The following DYNC1LI1 variants were observed in gnomAD, a reference collection of about 807,000 sequenced individuals.
The protein encoded by DYNC1LI1 is dynein cytoplasmic 1 light intermediate chain 1.
In DYNC1LI1, 19 loss-of-function variants were observed where a neutral mutation model predicts 63.8. The ratio of observed to expected loss-of-function variants is 0.30; its 90% confidence interval spans 0.21 to 0.44. The LOEUF is 0.44. DYNC1LI1 is among the 20% of genes least tolerant of loss of function. DYNC1LI1 has a pLI of 1.00. For missense variants in DYNC1LI1, 565 were observed against 630.2 expected (o/e 0.90, Z 1.11); for synonymous variants, 225 against 232.3 (o/e 0.97, Z 0.28).
intron 2 of DYNC1LI1, among the ~76,000 whole-genome samples, chr3:32,549,137 T>G (rs558746211): frequency 6.6e-6 from 1 of 152,162 alleles, no homozygotes; most frequent in Non-Finnish European, 1.5e-5. Flanking sequence ...TGTTTCTAAT[T>G]TGAATTTTAC....
intron 2 of DYNC1LI1, among the ~76,000 whole-genome samples, chr3:32,568,247 C>T (rs1698295761): frequency 6.6e-6 from 1 of 152,140 alleles, no homozygotes; most frequent in Admixed American, 6.6e-5. Flanking sequence ...ACAAAGAAAA[C>T]CACAATCCCT....
intron 8 of DYNC1LI1, chr3:32,532,101 C>T (rs1251736622): frequency 6.6e-6 from 1 of 152,058 alleles, no homozygotes; most frequent in East Asian, 1.9e-4. Flanking sequence ...TTATACACTG[C>T]ATGAAGTCAA....
intron 8 of DYNC1LI1, chr3:32,531,221 G>C (rs903638027): frequency 6.6e-6 from 1 of 152,178 alleles, no homozygotes; most frequent in African/African-American, 2.4e-5. Context: ...CCTTACTGTA[G>C]CCTAATGATA....
intron 5 of DYNC1LI1, 116 bp from the exon 6 acceptor site, chr3:32,537,220 G>A (rs923922206): frequency 3.8e-6 from 2 of 529,116 alleles, no homozygotes; most frequent in Admixed American, 7.8e-5. Flanking sequence ...CTCTGATATG[G>A]TGAATGAACA....
intron 2 of DYNC1LI1, among the ~76,000 whole-genome samples, chr3:32,555,863 G>C (rs1164651613): frequency 6.6e-6 from 1 of 152,202 alleles, no homozygotes; most frequent in Admixed American, 6.5e-5. Flanking sequence ...GTAATTAAAT[G>C]TTAATGGTAG....
At chr3:32,566,171 C>A (rs1016130611) in intron 2 of DYNC1LI1, among the ~76,000 whole-genome samples, 1 of 152,022 alleles carries the variant, frequency 6.6e-6, no homozygotes, top group African/African-American at 2.4e-5. Context: ...ACTTAGGAGG[C>A]TGAGGCAGGA....
intron 8 of DYNC1LI1, chr3:32,532,487 G>GTATATATATATATATATA (rs140866478): frequency 1.2e-4 from 15 of 125,346 alleles, no homozygotes; most frequent in South Asian, 5.3e-4. Context: ...AAAAATGTGT[G>GTATATATATATATATATA]TATATATATA....
chr3:32,570,082 T>C, intron 2 of DYNC1LI1: 1 of 606,714 alleles, frequency 1.6e-6, no homozygotes, highest in Non-Finnish European at 3.0e-6. Context: ...TCGAATTCTG[T>C]CCTTCCCAGG....
chr3:32,543,398 CTTTTTTT>C (rs968681360), intron 4 of DYNC1LI1, among the ~76,000 whole-genome samples: 2 of 127,468 alleles, frequency 1.6e-5, no homozygotes, highest in African/African-American at 6.0e-5. Flanking sequence ...TATTTCCTTT[CTTTTTTT>C]TTTTTTTTTT....
chr3:32,541,290 C>T, intron 4 of DYNC1LI1, 84 bp from the exon 5 acceptor site: 1 of 907,412 alleles, frequency 1.1e-6, no homozygotes, highest in Admixed American at 2.8e-5. Flanking sequence ...ATAAAATTTA[C>T]TCGAATTTAT....
chr3:32,552,980 CCACCA>C (rs960541645), intron 2 of DYNC1LI1, among the ~76,000 whole-genome samples: 4 of 152,198 alleles, frequency 2.6e-5, no homozygotes, highest in African/African-American at 9.6e-5. Context: ...CAGGCGTGAG[CCACCA>C]CACCCGGCCT....
intron 2 of DYNC1LI1, among the ~76,000 whole-genome samples, chr3:32,548,902 T>C (rs1242410238): frequency 1.3e-5 from 2 of 152,142 alleles, no homozygotes; most frequent in Non-Finnish European, 2.9e-5. Flanking sequence ...TAAATTTGTA[T>C]TTTTCAGTAC....
chr3:32,560,257 A>C (rs1057210506), intron 2 of DYNC1LI1, among the ~76,000 whole-genome samples: 8 of 152,050 alleles, frequency 5.3e-5, no homozygotes, highest in Non-Finnish European at 1.2e-4. Flanking sequence ...CAACAATGTG[A>C]AACCCCATCT....
Position 32,529,664 on chromosome 3 carries a change from T to G in DYNC1LI1, c.1186-4A>C, listed in dbSNP as rs1290938407. 1 of 1,580,720 alleles carries G rather than the reference T, an allele frequency of 6.3e-7. No homozygotes were observed. Among genetic ancestry groups the G allele is most frequent in the Non-Finnish European group, 8.6e-7 (1 of 1,166,716 alleles). ...CTGGGACTCTTGGTGAGGCATCCTA[T>G]GTAAAAATAGGAAAATACAATTATA... On this transcript the variant is annotated splice_region_variant and splice_polypyrimidine_tract_variant and intron_variant, in intron 10 of 12. Transcript: ENST00000273130.
rs181624884 is a variant in DYNC1LI1 at position 32,552,389 on chromosome 3, C to T, written c.221-6424G>A. On this transcript the variant is annotated intron_variant, in intron 2 of 12. Transcript: ENST00000273130. Reference sequence around the variant, plus strand: ...GTTGTCCAGGATGGTCTCAAACTCCCGGCCTCAAGCATTCCTTCCACTTAG... The same window carrying T: ...GTTGTCCAGGATGGTCTCAAACTCCTGGCCTCAAGCATTCCTTCCACTTAG... 1.8e-4 allele frequency among the ~76,000 whole-genome samples: 27 copies of T among 152,050 alleles called. No homozygotes were observed. The East Asian group carries it at 4.3e-3, about 24-fold the overall frequency.
Position 32,528,615 on chromosome 3 carries a change from A to G in DYNC1LI1, c.1307-14T>C. On this transcript the variant is annotated splice_polypyrimidine_tract_variant and intron_variant, in intron 11 of 12. Coordinates refer to ENST00000273130, the MANE Select transcript of DYNC1LI1 (RefSeq NM_016141.4). The stretch of plus-strand genomic sequence containing the variant: ...TTGTAGCTCCAGCTATAAAAAAATA[A>G]AAAAACAAAAAGCTTTAGCCAAAAC... The G allele has an allele frequency of 6.3e-7, 1 of 1,585,976 alleles. No individual in the cohort carries two copies. Among genetic ancestry groups the G allele is most frequent in the Non-Finnish European group, 8.5e-7 (1 of 1,171,390 alleles).
chr3:32,567,389 GGAGGA>G (rs1698281473), intron 2 of DYNC1LI1, among the ~76,000 whole-genome samples: 1 of 152,140 alleles, frequency 6.6e-6, no homozygotes, highest in Admixed American at 6.6e-5. Context: ...TCAGGTTGTA[GGAGGA>G]GAGAGAATGT....
chr3:32,558,418 A>G (rs1698145022), intron 2 of DYNC1LI1, among the ~76,000 whole-genome samples: 1 of 147,148 alleles, frequency 6.8e-6, no homozygotes, highest in African/African-American at 2.7e-5. Flanking sequence ...AAAAAAAAAA[A>G]AAAAAAAGAA....
chr3:32,568,347 G>A (rs13069226), intron 2 of DYNC1LI1, among the ~76,000 whole-genome samples: 1 of 152,162 alleles, frequency 6.6e-6, no homozygotes. Flanking sequence ...GGGTATTTTA[G>A]AAAGTTAACT....
Sources: gnomAD v4.1 joint callset for allele counts (sites outside exome capture counted in the v4.1 genomes callset) on GRCh38, gnomAD v4.1.1 for gene constraint, MANE v1.5 for transcripts, NCBI Gene and HGNC (gene_info 2026-07-23, HGNC 2026-07-21) for gene names.